The following ERG variants were observed in gnomAD, a reference collection of about 807,000 sequenced individuals.
The protein encoded by ERG is ETS transcription factor ERG.
ERG carries 9 observed loss-of-function variants against 55.3 expected under a neutral mutation model. That is an observed-to-expected ratio of 0.16 (90% CI 0.10 to 0.28). The LOEUF (loss-of-function observed/expected upper bound fraction) is 0.28. ERG is among the 10% of genes least tolerant of loss of function. The pLI, the probability that ERG is intolerant of heterozygous loss-of-function variation, is 1.00. For synonymous variants in ERG, 223 were observed against 237.3 expected (o/e 0.94, Z 0.55); for missense variants, 434 against 631.6 (o/e 0.69, Z 3.35).
At chr21:38,506,889 C>G (rs1436744750) in intron 2 of ERG, among the ~76,000 whole-genome samples, 1 of 152,130 alleles carries the variant, frequency 6.6e-6, no homozygotes, top group African/African-American at 2.4e-5. Flanking sequence ...AACAGGGAGG[C>G]TAGTTTTCAA....
At chr21:38,637,183 C>T (rs925106477) in intron 1 of ERG, among the ~76,000 whole-genome samples, 2 of 152,206 alleles carry the variant, frequency 1.3e-5, no homozygotes, top group Non-Finnish European at 2.9e-5. Context: ...CTTTCCCAGA[C>T]TTCAGTCTCC....
chr21:38,447,204 C>T (rs2058900182), intron 1 of ERG, among the ~76,000 whole-genome samples: 1 of 152,086 alleles, frequency 6.6e-6, no homozygotes, highest in South Asian at 2.1e-4. Context: ...ACACACGGCA[C>T]TGAGAATCAG....
intron 1 of ERG, among the ~76,000 whole-genome samples, chr21:38,608,322 T>C (rs545045529): frequency 6.6e-6 from 1 of 152,316 alleles, no homozygotes; most frequent in African/African-American, 2.4e-5. Context: ...GCCACTTTAC[T>C]ATCAGGACAA....
intron 2 of ERG, among the ~76,000 whole-genome samples, chr21:38,542,741 CAAAATAAACAG>C (rs961488046): frequency 3.3e-5 from 5 of 151,884 alleles, no homozygotes; most frequent in Admixed American, 3.3e-4. Context: ...TGATAAGAGA[CAAAATAAACAG>C]TAAATAGATA....
chr21:38,610,230 A>C (rs2060218120), intron 1 of ERG, among the ~76,000 whole-genome samples: 2 of 152,278 alleles, frequency 1.3e-5, no homozygotes, highest in Admixed American at 1.3e-4. Flanking sequence ...GGCTTCCCAG[A>C]AAACAATAAG....
Position 38,383,933 on chromosome 21 carries a change from T to C in ERG, c.920-10A>G, listed in dbSNP as rs1569054212. The C allele has an allele frequency of 1.2e-6, 2 of 1,605,416 alleles. No individual in the cohort carries two copies. Among genetic ancestry groups the C allele is most frequent in the Non-Finnish European group, 1.7e-6 (2 of 1,175,294 alleles). On this transcript the variant is annotated splice_polypyrimidine_tract_variant and intron_variant, in intron 9 of 9. Transcript: ENST00000288319. This position sits in a 1 kb window ranked among gnomAD's most constrained non-coding sequence, Gnocchi z 5.7. ...TGGATCTGGCCACTGCCTAATGAGG[T>C]CAGGAGAGGAAGGAAAACTCCAGTG...
chr21:38,608,342 T>C lies in ERG; in HGVS notation c.-149-23397A>G, dbSNP rs951696300. 2.6e-5 allele frequency among the ~76,000 whole-genome samples: 4 copies of C among 152,176 alleles called. No homozygotes were observed. The South Asian group carries it at 6.2e-4, about 24-fold the overall frequency. On this transcript the variant is annotated intron_variant, in intron 1 of 10. Transcript: ENST00000398910. ...TTTACTATCAGGACAAGTTAGACTTTAGGATAAAATTATTTATTAGGGATA... is the reference window on the plus strand; with the variant it reads ...TTTACTATCAGGACAAGTTAGACTTCAGGATAAAATTATTTATTAGGGATA...
intron 5 of ERG, 71 bp downstream of exon 5, chr21:38,402,486 C>G (rs957338232): frequency 2.6e-5 from 30 of 1,174,226 alleles, no homozygotes; most frequent in Non-Finnish European, 2.8e-5. Context: ...GACTGGTTTC[C>G]CATGAAAGCA....
intron 2 of ERG, among the ~76,000 whole-genome samples, chr21:38,535,439 A>G (rs7276042): frequency 0.38 from 57,940 of 152,132 alleles, 12,503 homozygotes; most frequent in Non-Finnish European, 0.49. Flanking sequence ...ACAACCAAAA[A>G]TAAAGATTAA....
At chr21:38,443,102 C>T (rs888077013) in intron 2 of ERG, among the ~76,000 whole-genome samples, 1 of 152,190 alleles carries the variant, frequency 6.6e-6, no homozygotes, top group Admixed American at 6.5e-5. Flanking sequence ...CCACTGCGCC[C>T]GGCCAGAATG....
chr21:38,375,343 A>T (rs998024175), downstream of ERG, among the ~76,000 whole-genome samples: 1 of 152,220 alleles, frequency 6.6e-6, no homozygotes, highest in Non-Finnish European at 1.5e-5. Flanking sequence ...CGATAGGTGC[A>T]TGCATGTCTT....
At chr21:38,388,303 GA>G (rs1308123321) in intron 9 of ERG, among the ~76,000 whole-genome samples, 1 of 152,188 alleles carries the variant, frequency 6.6e-6, no homozygotes, top group Non-Finnish European at 1.5e-5. Context: ...AGAATGCAGG[GA>G]CACACTGTTC....
intron 2 of ERG, among the ~76,000 whole-genome samples, chr21:38,423,956 C>T (rs973101645): frequency 6.6e-6 from 1 of 151,418 alleles, no homozygotes; most frequent in Non-Finnish European, 1.5e-5. Context: ...AGACTGGCGA[C>T]AGAGTAAGAT....
At position 38,445,286 on chromosome 21, in the gene ERG, C is replaced by T. The variant is rs540226926; in HGVS notation, c.236+118G>A. ...GCTCCCGAGTAGCTGGGATTACAGG[C>T]ACAGTGGCCTTGCTTTCTAAGTCAA... On this transcript the variant is annotated intron_variant, in intron 2 of 9. Transcript: ENST00000288319. 6.6e-6 allele frequency: 5 copies of T among 761,456 alleles called. No individual in the cohort carries two copies. In the East Asian group the frequency reaches 8.1e-5, roughly 12 times the overall value. 47.2% of individuals were successfully genotyped at this position (761,456 alleles called of 1,614,324 possible).
intron 2 of ERG, among the ~76,000 whole-genome samples, chr21:38,428,180 C>CA (rs60222976): frequency 0.42 from 60,770 of 144,614 alleles, 12,807 homozygotes; most frequent in East Asian, 0.67. Context: ...AACCGTGTCT[C>CA]AAAAAAAAAA....
chr21:38,612,851 T>C (rs564742159), intron 1 of ERG, among the ~76,000 whole-genome samples: 16 of 152,050 alleles, frequency 1.1e-4, no homozygotes, highest in African/African-American at 3.9e-4. Context: ...TTAGTAGAGA[T>C]GGGGTTTCAC....
intron 1 of ERG, among the ~76,000 whole-genome samples, chr21:38,582,450 G>A (rs2060036246): frequency 6.6e-6 from 1 of 151,348 alleles, no homozygotes; most frequent in South Asian, 2.1e-4. Flanking sequence ...ATTTGGTGTT[G>A]GGAAACATGA....
At chr21:38,412,631 T>G (rs1026107984) in intron 3 of ERG, among the ~76,000 whole-genome samples, 1 of 152,212 alleles carries the variant, frequency 6.6e-6, no homozygotes, top group African/African-American at 2.4e-5. Context: ...TCTTTTGTTA[T>G]TATCTGAAGT....
intron 1 of ERG, among the ~76,000 whole-genome samples, chr21:38,611,589 A>G (rs554581882): frequency 2.6e-5 from 4 of 151,746 alleles, no homozygotes; most frequent in South Asian, 2.1e-4. Context: ...ACAGGCCCTC[A>G]CTCCAGTGTC....
Sources: allele counts gnomAD v4.1 joint callset (sites outside exome capture counted in the v4.1 genomes callset), GRCh38; gene constraint gnomAD v4.1.1; non-coding constraint Gnocchi (gnomAD v3.1); transcripts MANE v1.5; gene names NCBI Gene and HGNC (gene_info 2026-07-23, HGNC 2026-07-21).